HS3ST1: variants seen among roughly 807,000 people sequenced by gnomAD.
The protein encoded by HS3ST1 is heparan sulfate-glucosamine 3-sulfotransferase 1.
In HS3ST1, 8 loss-of-function variants were observed where a neutral mutation model predicts 20.7. That is an observed-to-expected ratio of 0.39 (90% CI 0.23 to 0.70). HS3ST1 has a LOEUF of 0.70. Among genes scored for constraint, HS3ST1 ranks in the 30% least tolerant of loss-of-function variants. The pLI is 0.46. For missense variants in HS3ST1, 436 were observed against 423.4 expected (o/e 1.03, Z -0.26); for synonymous variants, 205 against 190.4 (o/e 1.08, Z -0.63).
chr4:11,413,469 C>T (rs186356758), intron 1 of HS3ST1, among the ~76,000 whole-genome samples: 1 of 152,178 alleles, frequency 6.6e-6, no homozygotes. Context: ...CAGCCTCTTC[C>T]GCCTCTTCCT....
intron 1 of HS3ST1, among the ~76,000 whole-genome samples, chr4:11,400,779 C>G (rs920012558): frequency 1.3e-5 from 2 of 152,242 alleles, no homozygotes; most frequent in Non-Finnish European, 2.9e-5. Context: ...TTGTGTCCAA[C>G]TCTTGAATTG....
intron 1 of HS3ST1, among the ~76,000 whole-genome samples, chr4:11,407,520 GT>G (rs1718499253): frequency 6.6e-6 from 1 of 152,138 alleles, no homozygotes; most frequent in Non-Finnish European, 1.5e-5. Context: ...TCCCATCTTG[GT>G]GTTATTTGTG....
chr4:11,422,404 C>T (rs1289899425), intron 1 of HS3ST1, among the ~76,000 whole-genome samples: 3 of 152,150 alleles, frequency 2.0e-5, no homozygotes, highest in African/African-American at 4.8e-5. Flanking sequence ...AGAAAGTAAG[C>T]AAATAAGCCA....
chr4:11,411,585 C>G (rs1023022373), intron 1 of HS3ST1, among the ~76,000 whole-genome samples: 1 of 152,114 alleles, frequency 6.6e-6, no homozygotes. Flanking sequence ...GAAACAACAC[C>G]TAGATCGTGC....
rs1378798336 is a variant in HS3ST1, at chr4:11,396,023, T to C, written c.*3059A>G. 1 of 151,900 alleles carries C rather than the reference T, an allele frequency of 6.6e-6. No individual in the cohort carries two copies. Among genetic ancestry groups the C allele is most frequent in the African/African-American group, 2.4e-5 (1 of 41,362 alleles). The allele number at this position is 151,900 out of a possible 1,614,324, so 9.4% of individuals were successfully genotyped here. A position where few individuals can be genotyped will look rare whatever the true frequency, so the allele number is the denominator to read the frequency against. ...ATATTCTTGAGGACTCAATACCATGTTGAGCATGTGGTAGGGGATCAAAAA... is the reference window on the plus strand; with the variant it reads ...ATATTCTTGAGGACTCAATACCATGCTGAGCATGTGGTAGGGGATCAAAAA... On this transcript the variant is annotated 3_prime_UTR_variant, in exon 2 of 2. Coordinates refer to ENST00000002596, the MANE Select transcript of HS3ST1 (RefSeq NM_005114.4).
At chr4:11,425,774 A>G (rs1336896633) in intron 1 of HS3ST1, among the ~76,000 whole-genome samples, 1 of 152,104 alleles carries the variant, frequency 6.6e-6, no homozygotes, top group Non-Finnish European at 1.5e-5. Flanking sequence ...TCTTTTCATC[A>G]CTGTTTTGCA....
At chr4:11,419,300 G>A (rs1447262898) in intron 1 of HS3ST1, among the ~76,000 whole-genome samples, 1 of 151,992 alleles carries the variant, frequency 6.6e-6, no homozygotes, top group Non-Finnish European at 1.5e-5. Flanking sequence ...AACAGTGCTT[G>A]CTTGAATTAT....
chr4:11,427,447 A>C (rs1265592864), intron 1 of HS3ST1, among the ~76,000 whole-genome samples: 1 of 152,234 alleles, frequency 6.6e-6, no homozygotes, highest in African/African-American at 2.4e-5. Context: ...AGGCTGCTCC[A>C]TGCTAACAGG....
At chr4:11,430,054 A>G (rs1311780868), upstream of HS3ST1, among the ~76,000 whole-genome samples, 1 of 152,124 alleles carries the variant, frequency 6.6e-6, no homozygotes, top group Non-Finnish European at 1.5e-5. Context: ...ACATTGTTTA[A>G]TTAAAAAAAA....
upstream of HS3ST1, among the ~76,000 whole-genome samples, chr4:11,432,145 G>A (rs1028815904): frequency 5.3e-5 from 8 of 152,168 alleles, no homozygotes; most frequent in African/African-American, 1.7e-4. Flanking sequence ...TGTAATAGGA[G>A]ACGGGAGGTC....
chr4:11,413,432 T>G (rs957050202), intron 1 of HS3ST1, among the ~76,000 whole-genome samples: 6 of 152,062 alleles, frequency 3.9e-5, no homozygotes, highest in African/African-American at 1.4e-4. Context: ...GGGGTCTAGT[T>G]TCCTGGTTTG....
At chr4:11,415,088 A>G (rs1430187299) in intron 1 of HS3ST1, among the ~76,000 whole-genome samples, 1 of 152,232 alleles carries the variant, frequency 6.6e-6, no homozygotes, top group Non-Finnish European at 1.5e-5. Context: ...GGTTGGGATG[A>G]GGAAATTTGG....
chr4:11,403,237 A>G (rs1718376884), intron 1 of HS3ST1, among the ~76,000 whole-genome samples: 1 of 152,240 alleles, frequency 6.6e-6, no homozygotes, highest in South Asian at 2.1e-4. Context: ...AGCTAAATAT[A>G]GTATAACCTG....
chr4:11,416,723 C>T (rs2108887645), intron 1 of HS3ST1, among the ~76,000 whole-genome samples: 1 of 152,324 alleles, frequency 6.6e-6, no homozygotes, highest in Non-Finnish European at 1.5e-5. Flanking sequence ...AAGCTTCAGG[C>T]CAGGTGACCA....
intron 1 of HS3ST1, among the ~76,000 whole-genome samples, chr4:11,408,685 A>G (rs1718535544): frequency 6.6e-6 from 1 of 152,228 alleles, no homozygotes; most frequent in African/African-American, 2.4e-5. Flanking sequence ...AGAAGCAGAA[A>G]CACACTGGCT....
Position 11,424,863 on chromosome 4 carries a change from A to C in HS3ST1, c.-109+3836T>G, listed in dbSNP as rs1332765084. ...GGAGAAAGAGGCCCATCTCCCACAA[A>C]AAAAAAAAAAAATCCTTCTATGAAG... On this transcript the variant is annotated intron_variant, in intron 1 of 1. Coordinates refer to ENST00000002596, the MANE Select transcript of HS3ST1 (RefSeq NM_005114.4). Among the ~76,000 whole-genome samples, 13 of 148,866 alleles carry C rather than the reference A, an allele frequency of 8.7e-5. No homozygotes were observed. In the South Asian group the frequency reaches 2.1e-3, roughly 24 times the overall value.
Position 11,399,839 on chromosome 4 carries a change from T to C in HS3ST1, c.167A>G (p.Gln56Arg). The C allele has an allele frequency of 1.2e-6, 2 of 1,612,926 alleles. No individual in the cohort carries two copies. Among genetic ancestry groups the C allele is most frequent in the African/African-American group, 2.7e-5 (2 of 75,064 alleles). Residue 56 changes from glutamine to arginine, a missense_variant, in exon 2 of 2, where the codon CAG (glutamine) becomes CGG (arginine). Physicochemically the swap from Gln to Arg is conservative, Grantham distance 43. Coordinates refer to ENST00000002596, the MANE Select transcript of HS3ST1 (RefSeq NM_005114.4). This position sits in a 1 kb window ranked among gnomAD's most constrained non-coding sequence, Gnocchi z 5.1. Reference protein sequence around the residue: ...APNGSAQQLPQTIIIGVRKGG... With the variant: ...APNGSAQQLPRTIIIGVRKGG... ...CTTGCGCACGCCGATGATGATGGTC[T>C]GCGGCAACTGCTGGGCAGAGCCGTT...
chr4:11,396,396 G>A lies in HS3ST1; in HGVS notation c.*2686C>T, dbSNP rs905190380. ...TTGTTCTCACTTGCCTCTCTGGAAG[G>A]ACCCACCTAGATCCCCCAGGCTGCT... On this transcript the variant is annotated 3_prime_UTR_variant, in exon 2 of 2. Transcript: ENST00000002596. The A allele has an allele frequency of 3.9e-5, 6 of 152,288 alleles. No homozygotes were observed. The highest frequency in any genetic ancestry group is 4.4e-5 in the Non-Finnish European group (3 of 68,132). The allele number at this position is 152,288 out of a possible 1,614,324, so 9.4% of individuals were successfully genotyped here. A position where few individuals can be genotyped will look rare whatever the true frequency, so the allele number is the denominator to read the frequency against.
At chr4:11,402,686 A>G (rs1718356305) in intron 1 of HS3ST1, among the ~76,000 whole-genome samples, 1 of 152,222 alleles carries the variant, frequency 6.6e-6, no homozygotes, top group South Asian at 2.1e-4. Context: ...TCACCATCTT[A>G]TAGTTCCATG....
Sources: gnomAD v4.1 joint callset for allele counts (sites outside exome capture counted in the v4.1 genomes callset) on GRCh38, gnomAD v4.1.1 for gene constraint, Gnocchi (gnomAD v3.1) non-coding constraint, MANE v1.5 for transcripts, NCBI Gene and HGNC (gene_info 2026-07-23, HGNC 2026-07-21) for gene names.